KLF8: variants seen among roughly 807,000 people sequenced by gnomAD.
The protein encoded by KLF8 is Krueppel-like factor 8.
Under a neutral mutation model 18.2 loss-of-function variants are expected in KLF8, and 10 were observed. That is an observed-to-expected ratio of 0.55 (90% CI 0.34 to 0.93). The LOEUF (loss-of-function observed/expected upper bound fraction) is 0.93, where lower values mean the gene tolerates loss of function less well. KLF8 is among the 40% of genes least tolerant of loss of function. The pLI is 0.02. For missense variants in KLF8, 264 were observed against 277.9 expected (o/e 0.95, Z 0.36); for synonymous variants, 109 against 97.3 (o/e 1.12, Z -0.71).
At chrX:56,136,567 C>G in the KLF8 span, among the ~76,000 whole-genome samples, 75 of 111,689 alleles carry the variant, frequency 6.7e-4, no homozygotes, top group Admixed American at 5.4e-3. Context: ...GAAGCTGAAA[C>G]TGGATCCCTT....
chrX:55,908,683 G>A, the KLF8 span: 1 of 286,394 alleles, frequency 3.5e-6, no homozygotes. Context: ...ACTCAACTAC[G>A]TGTGTAGTCC....
At position 56,270,242 on chromosome X, in the gene KLF8, T is replaced by C. The variant is rs780928002; in HGVS notation, c.819T>C (p.Ile273=). The part of the protein sequence containing the change: ...EESLDLKRRR[I]HQCDFAGCSK... ...CGCTTGACTTGAAGAGAAGACGGATTCACCAATGTGACTTTGCAGGATGCA... is the reference window on the plus strand; with the variant it reads ...CGCTTGACTTGAAGAGAAGACGGATCCACCAATGTGACTTTGCAGGATGCA... The change falls in exon 5 of 6, where the codon ATT becomes ATC. Residue 273 remains isoleucine, a synonymous_variant. Coordinates refer to ENST00000468660, the MANE Select transcript of KLF8 (RefSeq NM_007250.5). The C allele has an allele frequency of 1.7e-6, 2 of 1,209,119 alleles. No homozygotes were observed. The highest frequency in any genetic ancestry group is 2.2e-6 in the Non-Finnish European group (2 of 894,413).
chrX:55,911,611 G>A, the KLF8 span, among the ~76,000 whole-genome samples: 2 of 111,645 alleles, frequency 1.8e-5, no homozygotes, highest in East Asian at 5.6e-4. Context: ...CACCTCATTA[G>A]CCTCAGGGAA....
the KLF8 span, among the ~76,000 whole-genome samples, chrX:56,083,620 G>A: frequency 1.8e-5 from 2 of 111,778 alleles, no homozygotes; most frequent in East Asian, 5.6e-4. Flanking sequence ...ATGATCTATA[G>A]CAGGAGTCTC....
the KLF8 span, among the ~76,000 whole-genome samples, chrX:55,976,065 C>T: frequency 5.4e-5 from 6 of 111,680 alleles, no homozygotes; most frequent in African/African-American, 9.8e-5. Flanking sequence ...GCTGAGATCA[C>T]GCCATTGCAC....
chrX:56,260,596 G>A (rs778499386), intron 2 of KLF8, among the ~76,000 whole-genome samples: 2 of 111,422 alleles, frequency 1.8e-5, no homozygotes, highest in East Asian at 5.6e-4. Context: ...AAATTGCCGG[G>A]TTTGTTAGAT....
chrX:56,205,141 C>T, the KLF8 span, among the ~76,000 whole-genome samples: 1 of 111,004 alleles, frequency 9.0e-6, no homozygotes, highest in Non-Finnish European at 1.9e-5. Flanking sequence ...TTCACTGGAA[C>T]AATTCTCCTG....
chrX:56,146,830 TCTG>T, the KLF8 span, among the ~76,000 whole-genome samples: 1 of 112,087 alleles, frequency 8.9e-6, no homozygotes, highest in South Asian at 3.7e-4. Context: ...CTAAAACAAT[TCTG>T]CTGTGAAAAA....
At chrX:55,996,814 G>A in the KLF8 span, among the ~76,000 whole-genome samples, 3 of 112,146 alleles carry the variant, frequency 2.7e-5, no homozygotes, top group Non-Finnish European at 5.6e-5. Flanking sequence ...TGTCAGGATA[G>A]TGGCAGCATG....
At chrX:56,026,936 G>A in the KLF8 span, among the ~76,000 whole-genome samples, 12 of 112,834 alleles carry the variant, frequency 1.1e-4, no homozygotes, top group Non-Finnish European at 1.9e-4. Context: ...GAGGGACAGA[G>A]GGGTCTTGCT....
the KLF8 span, among the ~76,000 whole-genome samples, chrX:56,104,469 T>G: frequency 3.6e-5 from 4 of 111,924 alleles, no homozygotes; most frequent in African/African-American, 1.3e-4. Context: ...CAGGAATTAA[T>G]CCATTTCTAC....
At chrX:56,078,126 C>T in the KLF8 span, among the ~76,000 whole-genome samples, 4 of 111,478 alleles carry the variant, frequency 3.6e-5, no homozygotes, top group Admixed American at 3.8e-4. Flanking sequence ...AATGGAATTC[C>T]CTTTATTTCC....
the KLF8 span, among the ~76,000 whole-genome samples, chrX:55,940,092 C>A: frequency 9.0e-6 from 1 of 111,717 alleles, no homozygotes; most frequent in Admixed American, 9.5e-5. Flanking sequence ...ATTTTTAGAC[C>A]AATATCCTTG....
chrX:56,154,410 G>C, the KLF8 span, among the ~76,000 whole-genome samples: 4 of 111,729 alleles, frequency 3.6e-5, no homozygotes, highest in African/African-American at 1.3e-4. Context: ...TATGTAGAAA[G>C]CTGAAACTGG....
At chrX:56,052,493 GA>G in the KLF8 span, among the ~76,000 whole-genome samples, 1 of 111,788 alleles carries the variant, frequency 8.9e-6, no homozygotes, top group Non-Finnish European at 1.9e-5. Context: ...TAACAGACAG[GA>G]CCCTCAGCTG....
the KLF8 span, among the ~76,000 whole-genome samples, chrX:55,925,311 T>C: frequency 9.2e-6 from 1 of 109,220 alleles, no homozygotes; most frequent in Admixed American, 9.9e-5. Context: ...AAGAAGCCTA[T>C]GTATTAACCA....
chrX:56,080,795 G>C, the KLF8 span, among the ~76,000 whole-genome samples: 1 of 111,483 alleles, frequency 9.0e-6, no homozygotes, highest in African/African-American at 3.3e-5. Context: ...CCAGTCAGAC[G>C]TAGATTTGGT....
the KLF8 span, among the ~76,000 whole-genome samples, chrX:56,093,804 G>A: frequency 2.7e-5 from 3 of 109,189 alleles, no homozygotes; most frequent in African/African-American, 6.6e-5. Context: ...GGAAGAGTTG[G>A]GAATACTCTT....
the KLF8 span, among the ~76,000 whole-genome samples, chrX:55,988,450 A>C: frequency 1.8e-5 from 2 of 112,242 alleles, no homozygotes; most frequent in East Asian, 2.8e-4. Flanking sequence ...ACCATTTATT[A>C]AATAAGGAAT....
Sources: gnomAD v4.1 joint callset for allele counts (sites outside exome capture counted in the v4.1 genomes callset) on GRCh38, gnomAD v4.1.1 for gene constraint, MANE v1.5 for transcripts, NCBI Gene and HGNC (gene_info 2026-07-23, HGNC 2026-07-21) for gene names.